Variants in TBC1D12 observed in about 807,000 individuals in gnomAD.
TBC1D12 encodes the protein TBC1 domain family, member 12.
TBC1D12 carries 56 observed loss-of-function variants against 86.7 expected under a neutral mutation model. The ratio of observed to expected loss-of-function variants is 0.65; its 90% CI spans 0.52 to 0.81. The LOEUF is 0.81. Ranked by LOEUF, TBC1D12 falls within the 30% of genes least tolerant of loss-of-function variation. The pLI, the probability that TBC1D12 is intolerant of heterozygous loss-of-function variation, is 0.00. For synonymous variants in TBC1D12, 421 were observed against 411.7 expected, an observed-to-expected ratio of 1.02 and a Z score of -0.27; for missense variants, 1,023 against 1,038.8, an observed-to-expected ratio of 0.98 and a Z score of 0.21.
intron 2 of TBC1D12, among the ~76,000 whole-genome samples, chr10:94,458,976 G>A (rs934105714): frequency 2.0e-4 from 31 of 152,120 alleles, no homozygotes; most frequent in African/African-American, 7.0e-4. Flanking sequence ...CAGCGTGGAA[G>A]GGGACCCAAG....
At chr10:94,416,167 G>A (rs535775164) in intron 1 of TBC1D12, among the ~76,000 whole-genome samples, 1 of 152,322 alleles carries the variant, frequency 6.6e-6, no homozygotes, top group African/African-American at 2.4e-5. Context: ...GCTACTGGAA[G>A]AAAGGTTCTA....
chr10:94,530,213 T>C (rs537421402), intron 11 of TBC1D12, among the ~76,000 whole-genome samples: 142 of 152,288 alleles, frequency 9.3e-4, no homozygotes, highest in African/African-American at 3.2e-3. Context: ...ACAAGTCCTG[T>C]AATACTTACT....
intron 2 of TBC1D12, among the ~76,000 whole-genome samples, chr10:94,470,851 T>C (rs1180285600): frequency 6.6e-6 from 1 of 151,962 alleles, no homozygotes; most frequent in African/African-American, 2.4e-5. Flanking sequence ...GATGAGCTCA[T>C]ACAATGTTTT....
rs1419911532 is a variant in TBC1D12 at position 94,474,754 on chromosome 10, C to T, written c.1182C>T (p.Thr394=). ...ATTTTGAATTTGAGCCGCTTTCTAC[C>T]ACTGCCTTGATTCTTGAGGATCGAC... ...RKNFEFEPLS[T]TALILEDRPS... The change falls in exon 3 of 13, where the codon ACC becomes ACT. Residue 394 remains threonine (T), a synonymous_variant. Transcript: ENST00000225235. 25 of 1,613,944 alleles carry T rather than the reference C, an allele frequency of 1.5e-5. No individual in the cohort carries two copies. Among genetic ancestry groups the T allele is most frequent in the African/African-American group, 2.7e-5 (2 of 74,898 alleles).
intron 3 of TBC1D12, among the ~76,000 whole-genome samples, chr10:94,493,141 G>A (rs2056267700): frequency 7.9e-6 from 1 of 126,388 alleles, no homozygotes; most frequent in African/African-American, 2.7e-5. Context: ...ATATACACAT[G>A]ACATAGAACT....
intron 3 of TBC1D12, among the ~76,000 whole-genome samples, chr10:94,488,124 G>T (rs773167723): frequency 6.6e-6 from 1 of 151,938 alleles, no homozygotes; most frequent in Non-Finnish European, 1.5e-5. Flanking sequence ...AGTGGCTTAC[G>T]ACTGTAATCC....
chr10:94,529,009 A>T (rs1393393283), intron 11 of TBC1D12, among the ~76,000 whole-genome samples: 2 of 148,072 alleles, frequency 1.4e-5, no homozygotes, highest in Non-Finnish European at 1.5e-5. Context: ...TTGGTTCAGG[A>T]TTTTTTTTTT....
At chr10:94,465,645 T>TTA (rs1358184057) in intron 2 of TBC1D12, among the ~76,000 whole-genome samples, 1 of 131,226 alleles carries the variant, frequency 7.6e-6, no homozygotes, top group Non-Finnish European at 1.6e-5. Context: ...GACTCTTGCC[T>TTA]AAAAAAAAAA....
chr10:94,495,465 T>C (rs1185392771), intron 4 of TBC1D12, among the ~76,000 whole-genome samples: 2 of 152,254 alleles, frequency 1.3e-5, no homozygotes, highest in African/African-American at 4.8e-5. Flanking sequence ...CCACTGTGCC[T>C]GGCTCCAGTT....
chr10:94,418,531 G>A (rs568915992), intron 1 of TBC1D12, among the ~76,000 whole-genome samples: 12 of 151,432 alleles, frequency 7.9e-5, no homozygotes, highest in Admixed American at 1.3e-4. Flanking sequence ...TCTGTTTTTC[G>A]CCTTCAATCT....
At chr10:94,483,158 C>T (rs1051732972) in intron 3 of TBC1D12, among the ~76,000 whole-genome samples, 1 of 151,346 alleles carries the variant, frequency 6.6e-6, no homozygotes, top group Non-Finnish European at 1.5e-5. Context: ...TTTACCCACT[C>T]ATCTGTTGAT....
chr10:94,452,102 T>A (rs56182539), intron 2 of TBC1D12, among the ~76,000 whole-genome samples: 136 of 150,142 alleles, frequency 9.1e-4, no homozygotes, highest in African/African-American at 2.7e-3. Flanking sequence ...GTATTTAAAT[T>A]CATATATATT....
chr10:94,510,902 AAC>A (rs749620617), intron 8 of TBC1D12, among the ~76,000 whole-genome samples: 13 of 152,310 alleles, frequency 8.5e-5, no homozygotes, highest in Non-Finnish European at 1.6e-4. Context: ...TAAAATTATT[AAC>A]ACAGTTTAGT....
intron 2 of TBC1D12, among the ~76,000 whole-genome samples, chr10:94,445,819 G>A (rs772351109): frequency 1.7e-4 from 26 of 151,940 alleles, no homozygotes; most frequent in Non-Finnish European, 2.8e-4. Context: ...GTGGTGGCAG[G>A]TGCCTATAAT....
At chr10:94,415,302 C>T (rs1414870129) in intron 1 of TBC1D12, among the ~76,000 whole-genome samples, 3 of 152,154 alleles carry the variant, frequency 2.0e-5, no homozygotes, top group African/African-American at 2.4e-5. Flanking sequence ...CCTTAACTCC[C>T]CCAACCCCTC....
chr10:94,518,118 C>T (rs73329605), intron 9 of TBC1D12, among the ~76,000 whole-genome samples: 3,774 of 152,266 alleles, frequency 0.025, 158 homozygotes, highest in African/African-American at 0.083. Flanking sequence ...CCCGCCACTG[C>T]ACTCCAGCCT....
chr10:94,449,396 G>C (rs1370263150), intron 2 of TBC1D12, among the ~76,000 whole-genome samples: 1 of 152,134 alleles, frequency 6.6e-6, no homozygotes, highest in South Asian at 2.1e-4. Flanking sequence ...AATTGAGCTT[G>C]AAATATAGGA....
chr10:94,498,232 A>G (rs1406423371), intron 5 of TBC1D12, among the ~76,000 whole-genome samples: 1 of 152,200 alleles, frequency 6.6e-6, no homozygotes, highest in Non-Finnish European at 1.5e-5. Context: ...TAGAAGATGC[A>G]CTTATTGTTA....
In TBC1D12 at chr10:94,402,929, T is replaced by TCGGA. The variant is rs757798470; in HGVS notation, c.319_322dup (p.Ala108GlyfsTer18). The TCGGA allele has an allele frequency of 6.5e-7, 1 of 1,536,972 alleles. No homozygotes were observed. The highest frequency in any genetic ancestry group is 8.7e-7 in the Non-Finnish European group (1 of 1,146,650). ...CCCGCCGCCCTCGGCAGCCCCACGA[T>TCGGA]CGGACGCCTGCCTGCTGGGCTCGGG... On this transcript the variant is annotated frameshift_variant, in exon 1 of 13. Coordinates refer to ENST00000225235, the MANE Select transcript of TBC1D12 (RefSeq NM_015188.2). LOFTEE classifies it high-confidence loss of function.
Sources: allele counts gnomAD v4.1 joint callset (sites outside exome capture counted in the v4.1 genomes callset), GRCh38; gene constraint gnomAD v4.1.1; transcripts MANE v1.5; gene names NCBI Gene and HGNC (gene_info 2026-07-23, HGNC 2026-07-21).